Variants in PCCA observed in about 807,000 individuals in gnomAD.
The protein encoded by PCCA is propionyl-CoA carboxylase alpha chain, mitochondrial.
Under a neutral mutation model 101.3 loss-of-function variants are expected in PCCA, and 74 were observed. That is an observed-to-expected ratio of 0.73 (90% confidence interval 0.61 to 0.89). The LOEUF is 0.89. PCCA is among the 40% of genes least tolerant of loss of function. PCCA has a pLI of 0.00. For synonymous variants in PCCA, 294 were observed against 313.6 expected (o/e 0.94, Z 0.66); for missense variants, 891 against 907.0 (o/e 0.98, Z 0.23).
intron 12 of PCCA, among the ~76,000 whole-genome samples, chr13:100,291,573 T>G (rs1010109360): frequency 1.3e-5 from 2 of 152,208 alleles, no homozygotes; most frequent in Admixed American, 1.3e-4. Context: ...TGAATGTTTT[T>G]TCTTTCTTGT....
intron 7 of PCCA, among the ~76,000 whole-genome samples, chr13:100,221,849 T>C (rs1251927078): frequency 1.3e-5 from 2 of 149,354 alleles, no homozygotes; most frequent in African/African-American, 2.5e-5. Context: ...GCAATTCTCC[T>C]GCCTCAGCCT....
chr13:100,151,357 T>C (rs755926471), intron 4 of PCCA, among the ~76,000 whole-genome samples: 1 of 152,104 alleles, frequency 6.6e-6, no homozygotes, highest in Admixed American at 6.5e-5. Context: ...TTTGGGAGGC[T>C]GAGGTAGGCG....
In PCCA at chr13:100,443,654, ATT is replaced by A. The variant is rs5806162; in HGVS notation, c.1846-5586_1846-5585del. ...CGCAGCAGTTCAGTGGGTTATTGTG[ATT>A]TTTTTTTTTTTAATCTCAGGACCAA... is the stretch of plus-strand genomic sequence containing the variant. On this transcript the variant is annotated intron_variant, in intron 20 of 23. Coordinates refer to ENST00000376285, the MANE Select transcript of PCCA (RefSeq NM_000282.4). 2.2e-3 allele frequency among the ~76,000 whole-genome samples: 324 copies of A among 148,904 alleles called. 2 individuals are homozygous for A. The South Asian group carries it at 0.023, about 11-fold the overall frequency.
intron 4 of PCCA, among the ~76,000 whole-genome samples, chr13:100,141,848 A>C (rs1594329411): frequency 6.6e-6 from 1 of 152,208 alleles, no homozygotes; most frequent in East Asian, 1.9e-4. Context: ...TTTTGAGTGG[A>C]TCAGGGAAAA....
chr13:100,207,910 C>T (rs1159201708), intron 6 of PCCA, among the ~76,000 whole-genome samples: 3 of 151,744 alleles, frequency 2.0e-5, no homozygotes, highest in Non-Finnish European at 4.4e-5. Flanking sequence ...CCCAGCTACT[C>T]GGGAGGCTGA....
chr13:100,464,086 G>C (rs1165450662), intron 21 of PCCA, among the ~76,000 whole-genome samples: 3 of 152,214 alleles, frequency 2.0e-5, no homozygotes, highest in African/African-American at 7.2e-5. Flanking sequence ...ATAAGCCATA[G>C]CACACCTTAG....
intron 21 of PCCA, among the ~76,000 whole-genome samples, chr13:100,505,978 T>C (rs1027231351): frequency 1.3e-5 from 2 of 152,150 alleles, no homozygotes; most frequent in African/African-American, 4.8e-5. Context: ...CTAGGTGCGC[T>C]GCAGATCTTC....
rs58811683 is a variant in PCCA at position 100,474,440 on chromosome 13, T to TTCTCTCTCTCTC, written c.1899+25153_1899+25164dup. 2.7e-3 allele frequency among the ~76,000 whole-genome samples: 394 copies of TTCTCTCTCTCTC among 144,342 alleles called. 4 individuals are homozygous for TTCTCTCTCTCTC. Among genetic ancestry groups the TTCTCTCTCTCTC allele is most frequent in the African/African-American group, 9.8e-3 (373 of 38,148 alleles). The allele number at this position is 144,342 out of a possible 152,430, so 94.7% of individuals were successfully genotyped here. A position where few individuals can be genotyped will look rare whatever the true frequency, so the allele number is the denominator to read the frequency against. On this transcript the variant is annotated intron_variant, in intron 21 of 23. Transcript: ENST00000376285. The stretch of plus-strand genomic sequence containing the variant: ...TCTTATAATTTTATGTATTTACTGT[T>TTCTCTCTCTCTC]TCTCTCTCTCTCTCTCTCTCTCTCT...
intron 4 of PCCA, among the ~76,000 whole-genome samples, chr13:100,121,528 G>A (rs1011019491): frequency 6.7e-6 from 1 of 148,494 alleles, no homozygotes; most frequent in African/African-American, 2.5e-5. Context: ...AGGCTGGAGT[G>A]CAATGGTGCG....
chr13:100,175,702 A>G (rs1490652570), intron 6 of PCCA, among the ~76,000 whole-genome samples: 3 of 152,234 alleles, frequency 2.0e-5, no homozygotes, highest in Non-Finnish European at 4.4e-5. Context: ...TAAACAGAGT[A>G]GAAGAATTGA....
At chr13:100,310,042 T>C in intron 16 of PCCA, 134 bp downstream of exon 16, 1 of 696,238 alleles carries the variant, frequency 1.4e-6, no homozygotes, top group Non-Finnish European at 2.6e-6. Flanking sequence ...TAAGAAAAAC[T>C]CAAATCCATC....
At chr13:100,311,678 G>T (rs1406156194) in intron 16 of PCCA, among the ~76,000 whole-genome samples, 1 of 152,140 alleles carries the variant, frequency 6.6e-6, no homozygotes, top group Non-Finnish European at 1.5e-5. Flanking sequence ...GCTGAGGCAG[G>T]AGAATCGCTT....
intron 19 of PCCA, among the ~76,000 whole-genome samples, chr13:100,378,436 G>C (rs967931252): frequency 6.6e-6 from 1 of 152,156 alleles, no homozygotes; most frequent in Admixed American, 6.6e-5. Flanking sequence ...ATCTGGTTGA[G>C]GATTTCTGGA....
intron 12 of PCCA, among the ~76,000 whole-genome samples, chr13:100,298,549 T>G (rs1209519673): frequency 6.6e-6 from 1 of 151,490 alleles, no homozygotes; most frequent in Non-Finnish European, 1.5e-5. Context: ...GACTTTTTTG[T>G]TTTTTTATTT....
chr13:100,338,108 A>G (rs774615258), intron 17 of PCCA, among the ~76,000 whole-genome samples: 1 of 152,184 alleles, frequency 6.6e-6, no homozygotes, highest in Non-Finnish European at 1.5e-5. Context: ...AATGCAGATT[A>G]TTACCCCTTG....
intron 21 of PCCA, among the ~76,000 whole-genome samples, chr13:100,501,716 A>AG (rs2085685609): frequency 4.1e-4 from 58 of 139,926 alleles, no homozygotes; most frequent in Admixed American, 4.1e-3. Flanking sequence ...TACTAAAAAT[A>AG]CAAAAAAATT....
chr13:100,168,439 G>A (rs1362293167), intron 6 of PCCA, among the ~76,000 whole-genome samples: 1 of 152,190 alleles, frequency 6.6e-6, no homozygotes, highest in Non-Finnish European at 1.5e-5. Context: ...GGAGGAAATG[G>A]CATGGGGGCA....
At chr13:100,472,213 G>T (rs894960880) in intron 21 of PCCA, among the ~76,000 whole-genome samples, 4 of 152,080 alleles carry the variant, frequency 2.6e-5, no homozygotes, top group African/African-American at 7.2e-5. Flanking sequence ...CCCTTACTGC[G>T]CATGTGTTAA....
At chr13:100,173,227 T>C (rs757205689) in intron 6 of PCCA, among the ~76,000 whole-genome samples, 67 of 152,198 alleles carry the variant, frequency 4.4e-4, no homozygotes, top group Non-Finnish European at 7.6e-4. Context: ...GCAGTGGTGA[T>C]CTGTAGTGGT....
Sources: gnomAD v4.1 joint callset for allele counts (sites outside exome capture counted in the v4.1 genomes callset) on GRCh38, gnomAD v4.1.1 for gene constraint, MANE v1.5 for transcripts, NCBI Gene and HGNC (gene_info 2026-07-23, HGNC 2026-07-21) for gene names.